The following OPRK1 variants were observed in gnomAD, a reference collection of about 807,000 sequenced individuals.
The protein encoded by OPRK1 is kappa-type opioid receptor.
In OPRK1, 15 loss-of-function variants were observed where a neutral mutation model predicts 24.5. The observed-to-expected ratio is 0.61, with a 90% CI of 0.41 to 0.94. OPRK1 has a LOEUF of 0.94. OPRK1 is among the 40% of genes least tolerant of loss of function. OPRK1 has a pLI of 0.00. For missense variants in OPRK1, 479 were observed against 507.3 expected (o/e 0.94, Z 0.54); for synonymous variants, 205 against 198.0 (o/e 1.04, Z -0.30).
At chr8:53,233,218 G>A (rs1005178758) in intron 3 of OPRK1, among the ~76,000 whole-genome samples, 2 of 152,144 alleles carry the variant, frequency 1.3e-5, no homozygotes, top group East Asian at 3.9e-4. Flanking sequence ...CACATAACCC[G>A]GAGAGTGAGC....
Position 53,241,243 on chromosome 8 carries a change from G to A in OPRK1, c.258-6132C>T, listed in dbSNP as rs556769031. On this transcript the variant is annotated intron_variant, in intron 2 of 3. Coordinates refer to ENST00000265572, the MANE Select transcript of OPRK1 (RefSeq NM_000912.5). ...AATGAAGAATGATGACCGTGCTGAC[G>A]TGACTTTTCAGTGGAACTTACTTAA... Among the ~76,000 whole-genome samples the A allele has an allele frequency of 7.9e-5, 12 of 152,290 alleles. No homozygotes were observed. In the South Asian group the frequency reaches 1.7e-3, roughly 21 times the overall value.
chr8:53,234,020 AC>A (rs1381430754), intron 3 of OPRK1, among the ~76,000 whole-genome samples: 1 of 151,886 alleles, frequency 6.6e-6, no homozygotes, highest in Non-Finnish European at 1.5e-5. Context: ...ACACGGTGAA[AC>A]CCTGTCTCTA....
intron 2 of OPRK1, among the ~76,000 whole-genome samples, chr8:53,239,213 C>T (rs1343485280): frequency 2.6e-5 from 4 of 152,144 alleles, no homozygotes; most frequent in South Asian, 2.1e-4. Context: ...TTCCCTACCC[C>T]ATAAGTAGCA....
chr8:53,240,675 T>G (rs1807092443), intron 2 of OPRK1, among the ~76,000 whole-genome samples: 1 of 151,534 alleles, frequency 6.6e-6, no homozygotes, highest in East Asian at 1.9e-4. Flanking sequence ...TGCAAAATGA[T>G]CAGAAATGGT....
chr8:53,232,810 T>C (rs1343683536), intron 3 of OPRK1, among the ~76,000 whole-genome samples: 1 of 152,220 alleles, frequency 6.6e-6, no homozygotes, highest in Non-Finnish European at 1.5e-5. Flanking sequence ...TTAAGAATAA[T>C]TGTTTCTGCT....
At chr8:53,234,132 C>T (rs985740003) in intron 3 of OPRK1, among the ~76,000 whole-genome samples, 3 of 142,346 alleles carry the variant, frequency 2.1e-5, no homozygotes, top group African/African-American at 5.5e-5. Context: ...TGCAGTGAGC[C>T]GATATCGCGC....
intron 3 of OPRK1, 117 bp downstream of exon 3, chr8:53,234,642 T>C (rs1016358981): frequency 1.1e-5 from 9 of 851,962 alleles, no homozygotes; most frequent in African/African-American, 1.0e-4. Flanking sequence ...GGCACTACAT[T>C]TCCGTCGTCT....
Position 53,236,580 on chromosome 8 carries a change from G to T in OPRK1, c.258-1469C>A, listed in dbSNP as rs146588593. Among the ~76,000 whole-genome samples, 7 of 152,262 alleles carry T rather than the reference G, an allele frequency of 4.6e-5. No homozygotes were observed. In the East Asian group the frequency reaches 1.4e-3, roughly 29 times the overall value. On this transcript the variant is annotated intron_variant, in intron 2 of 3. Transcript: ENST00000265572. ...ACTTTTTATTCAGACATTATTAAAT[G>T]ACCTATAAGTTTTAGATAGTGACTA...
intron 2 of OPRK1, among the ~76,000 whole-genome samples, chr8:53,248,217 G>A (rs943003749): frequency 2.6e-5 from 4 of 152,050 alleles, no homozygotes; most frequent in African/African-American, 9.7e-5. Flanking sequence ...ATACGAGGCA[G>A]CATTCCAGGG....
chr8:53,250,888 C>A lies in OPRK1; in HGVS notation c.150G>T (p.Glu50Asp). The A allele has an allele frequency of 6.2e-7, 1 of 1,612,708 alleles. No homozygotes were observed. Among genetic ancestry groups the A allele is most frequent in the Non-Finnish European group, 8.5e-7 (1 of 1,179,652 alleles). Residue 50 changes from glutamate (E) to aspartate (D), a missense_variant, in exon 2 of 4, where the codon GAG becomes GAT. Transcript: ENST00000265572. ...GSAGSEDAQL[E>D]PAHISPAIPV... Reference sequence around the variant, plus strand: ...GGATGGCCGGGGAGATGTGCGCGGGCTCCAGCTGCGCGTCCTCCGAGCCGG... The same window carrying A: ...GGATGGCCGGGGAGATGTGCGCGGGATCCAGCTGCGCGTCCTCCGAGCCGG...
intron 2 of OPRK1, among the ~76,000 whole-genome samples, chr8:53,241,111 CTG>C (rs1219551942): frequency 6.6e-6 from 1 of 152,076 alleles, no homozygotes; most frequent in Non-Finnish European, 1.5e-5. Flanking sequence ...AGAATGGAGA[CTG>C]TGCATGTGTG....
chr8:53,231,588 G>T (rs1052726173), intron 3 of OPRK1, among the ~76,000 whole-genome samples: 80 of 152,190 alleles, frequency 5.3e-4, no homozygotes, highest in African/African-American at 1.9e-3. Context: ...ATCTGTAATT[G>T]TGTGTTACCT....
chr8:53,238,382 A>G (rs1215422094), intron 2 of OPRK1: 1 of 251,530 alleles, frequency 4.0e-6, no homozygotes, highest in Non-Finnish European at 6.3e-6. Context: ...TTGAGCATAC[A>G]CACCGCAGGA....
chr8:53,234,741 T>A lies in OPRK1; in HGVS notation c.610+18A>T, dbSNP rs748347488. 3.1e-6 allele frequency: 5 copies of A among 1,589,414 alleles called. No individual in the cohort carries two copies. The Middle Eastern group carries it at 5.0e-4, about 160-fold the overall frequency. Reference sequence around the variant, plus strand: ...TGAAGCTACATTTTTATGAACAGAATGAAATGACTGCTCTTACCTTCCCTG... The same window carrying A: ...TGAAGCTACATTTTTATGAACAGAAAGAAATGACTGCTCTTACCTTCCCTG... On this transcript the variant is annotated intron_variant, in intron 3 of 3. Transcript: ENST00000265572.
intron 2 of OPRK1, among the ~76,000 whole-genome samples, chr8:53,248,913 T>C (rs1344187683): frequency 6.6e-6 from 1 of 152,250 alleles, no homozygotes; most frequent in Admixed American, 6.5e-5. Flanking sequence ...ACTTCTTTTA[T>C]ATTTTTAGCT....
intron 2 of OPRK1, among the ~76,000 whole-genome samples, chr8:53,247,986 G>C (rs1807273263): frequency 1.1e-5 from 1 of 87,260 alleles, no homozygotes. Context: ...GCCAGATTCT[G>C]TCTCAAAAAA....
At chr8:53,235,215 C>T in intron 2 of OPRK1, 104 bp from the exon 3 acceptor site, 1 of 898,376 alleles carries the variant, frequency 1.1e-6, no homozygotes, top group South Asian at 1.7e-5. Context: ...CTTCTTCATT[C>T]AATTATTCTT....
At chr8:53,248,468 A>G (rs1807289325) in intron 2 of OPRK1, among the ~76,000 whole-genome samples, 1 of 152,338 alleles carries the variant, frequency 6.6e-6, no homozygotes, top group East Asian at 1.9e-4. Flanking sequence ...CAGTCTCTTC[A>G]GTAACAAGGG....
chr8:53,234,985 A>T lies in OPRK1; in HGVS notation c.384T>A (p.Asp128Glu). The T allele has an allele frequency of 3.1e-6, 5 of 1,614,244 alleles. No homozygotes were observed. The South Asian group carries it at 5.5e-5, about 18-fold the overall frequency. The change falls in exon 3 of 4, where the codon GAT becomes GAA. Residue 128 changes from aspartate to glutamate, a missense_variant. By Grantham distance (45) the Asp-to-Glu change is conservative. Coordinates refer to ENST00000265572, the MANE Select transcript of OPRK1 (RefSeq NM_000912.5). ...VYLMNSWPFG[D>E]VLCKIVISID... is the part of the protein sequence containing the mutation. ...TGGAAATTACTATCTTGCACAGCAC[A>T]TCCCCAAAAGGCCAGGAATTCATCA...
Sources: allele counts gnomAD v4.1 joint callset (sites outside exome capture counted in the v4.1 genomes callset), GRCh38; gene constraint gnomAD v4.1.1; transcripts MANE v1.5; gene names NCBI Gene and HGNC (gene_info 2026-07-23, HGNC 2026-07-21).